CAMTA1: variants seen among roughly 807,000 people sequenced by gnomAD.
CAMTA1 encodes the protein calmodulin-binding transcription activator 1.
Under a neutral mutation model 170.9 loss-of-function variants are expected in CAMTA1, and 27 were observed. That is an observed-to-expected ratio of 0.16 (90% CI 0.12 to 0.22). The LOEUF (loss-of-function observed/expected upper bound fraction) is 0.22. Among genes scored for constraint, CAMTA1 ranks in the 10% least tolerant of loss-of-function variants. CAMTA1 has a pLI of 1.00. For missense variants in CAMTA1, 1,619 were observed against 2,217.2 expected (o/e 0.73, Z 5.42); for synonymous variants, 833 against 891.5 (o/e 0.93, Z 1.17).
intron 3 of CAMTA1, among the ~76,000 whole-genome samples, chr1:6,859,966 A>G (rs971217188): frequency 6.6e-6 from 1 of 152,160 alleles, no homozygotes; most frequent in African/African-American, 2.4e-5. Flanking sequence ...ATTTCTTTGT[A>G]TATTCCTGCA....
intron 7 of CAMTA1, 120 bp from the exon 8 acceptor site, chr1:7,661,606 C>T (rs1457296718): frequency 1.7e-5 from 20 of 1,170,548 alleles, no homozygotes; most frequent in African/African-American, 3.1e-5. Flanking sequence ...GCCCCAGGAG[C>T]CAGCTCCCCA....
chr1:6,844,851 A>G (rs944060069), intron 3 of CAMTA1, among the ~76,000 whole-genome samples: 20 of 152,208 alleles, frequency 1.3e-4, no homozygotes, highest in African/African-American at 4.1e-4. Flanking sequence ...TCTAAAGTTC[A>G]AAGAGTCAAT....
At chr1:7,239,075 A>G (rs1215988010) in intron 4 of CAMTA1, among the ~76,000 whole-genome samples, 1 of 152,094 alleles carries the variant, frequency 6.6e-6, no homozygotes, top group East Asian at 1.9e-4. Flanking sequence ...TTATTATACC[A>G]TGGTCAGTCT....
At chr1:7,185,637 A>G (rs570933348) in intron 4 of CAMTA1, among the ~76,000 whole-genome samples, 5 of 152,352 alleles carry the variant, frequency 3.3e-5, no homozygotes, top group African/African-American at 1.2e-4. Flanking sequence ...CACTACCTGA[A>G]TCAAGTGATC....
chr1:6,807,440 G>C (rs978296202), intron 1 of CAMTA1, among the ~76,000 whole-genome samples: 2 of 152,056 alleles, frequency 1.3e-5, no homozygotes, highest in African/African-American at 4.8e-5. Flanking sequence ...CTAGGCTTTT[G>C]GTTGATTGTT....
chr1:7,256,837 T>C (rs1278741205), intron 5 of CAMTA1, among the ~76,000 whole-genome samples: 2 of 152,070 alleles, frequency 1.3e-5, no homozygotes, highest in Admixed American at 6.6e-5. Context: ...AGGGCCTGTT[T>C]CCTGGGCATT....
intron 6 of CAMTA1, among the ~76,000 whole-genome samples, chr1:7,625,322 C>T (rs944029406): frequency 1.3e-5 from 2 of 152,246 alleles, no homozygotes; most frequent in Non-Finnish European, 2.9e-5. Context: ...GCCCGTCTCT[C>T]CCCTCCTTCA....
At chr1:7,618,344 C>A (rs1409880402) in intron 6 of CAMTA1, among the ~76,000 whole-genome samples, 5 of 152,208 alleles carry the variant, frequency 3.3e-5, no homozygotes, top group Admixed American at 6.5e-5. Flanking sequence ...AGCTCCCCAC[C>A]CAGGAGAACC....
intron 3 of CAMTA1, among the ~76,000 whole-genome samples, chr1:7,071,232 A>C (rs987723682): frequency 6.6e-6 from 1 of 152,206 alleles, no homozygotes; most frequent in Admixed American, 6.5e-5. Context: ...TGTCCCCTCT[A>C]TTTGTAATCT....
At chr1:7,598,084 C>A (rs193023964) in intron 6 of CAMTA1, among the ~76,000 whole-genome samples, 3 of 149,694 alleles carry the variant, frequency 2.0e-5, no homozygotes, top group South Asian at 2.2e-4. Flanking sequence ...ATCCCTCCCC[C>A]CTCCCCCAAC....
intron 5 of CAMTA1, among the ~76,000 whole-genome samples, chr1:7,261,071 A>T (rs1227993936): frequency 6.6e-6 from 1 of 152,208 alleles, no homozygotes; most frequent in Non-Finnish European, 1.5e-5. Flanking sequence ...GATTATTATT[A>T]AATCTGGAAT....
At chr1:7,396,840 GAGTACCAC>G (rs1037831268) in intron 5 of CAMTA1, among the ~76,000 whole-genome samples, 6 of 152,180 alleles carry the variant, frequency 3.9e-5, no homozygotes, top group African/African-American at 1.4e-4. Context: ...TCCCTGGGAT[GAGTACCAC>G]TTGATCATGG....
At chr1:7,370,477 G>A (rs75879498) in intron 5 of CAMTA1, among the ~76,000 whole-genome samples, 6,355 of 152,210 alleles carry the variant, frequency 0.042, 436 homozygotes, top group African/African-American at 0.14. Flanking sequence ...TGTAAGAAAC[G>A]TGCACATCCA....
intron 5 of CAMTA1, among the ~76,000 whole-genome samples, chr1:7,363,169 A>G (rs988843616): frequency 2.6e-5 from 4 of 152,224 alleles, no homozygotes; most frequent in Non-Finnish European, 4.4e-5. Context: ...CAACAGGAAC[A>G]TGGTGCCCAC....
At chr1:7,307,112 T>C (rs1675710509) in intron 5 of CAMTA1, among the ~76,000 whole-genome samples, 2 of 151,938 alleles carry the variant, frequency 1.3e-5, no homozygotes, top group African/African-American at 4.8e-5. Context: ...TTTAAGTCTT[T>C]AAAAAAATTC....
chr1:7,601,407 A>T (rs1355527326), intron 6 of CAMTA1, among the ~76,000 whole-genome samples: 1 of 150,816 alleles, frequency 6.6e-6, no homozygotes, highest in Non-Finnish European at 1.5e-5. Context: ...GACGCTCCTC[A>T]CTTCCTAGAT....
chr1:7,580,402 G>A lies in CAMTA1; in HGVS notation c.511-59998G>A, dbSNP rs564027600. Among the ~76,000 whole-genome samples, 3 of 152,240 alleles carry A rather than the reference G, an allele frequency of 2.0e-5. No homozygotes were observed. Among genetic ancestry groups the A allele is most frequent in the South Asian group, 4.1e-4 (2 of 4,820 alleles). On this transcript the variant is annotated intron_variant, in intron 6 of 22. Coordinates refer to ENST00000303635, the MANE Select transcript of CAMTA1 (RefSeq NM_015215.4). The surrounding 1 kb of genome is among the most constrained non-coding windows in gnomAD (Gnocchi z 4.3). The stretch of plus-strand genomic sequence containing the variant: ...AAGGGGCTCAGATGAAGCAGGTCTG[G>A]GGGAGAGGAAGGAAGACAGGTGAGG...
intron 3 of CAMTA1, among the ~76,000 whole-genome samples, chr1:6,865,773 C>T (rs1206408861): frequency 2.6e-5 from 4 of 152,052 alleles, no homozygotes; most frequent in Non-Finnish European, 4.4e-5. Context: ...AAAGTGAGAC[C>T]TTAGTTGAAA....
At chr1:6,952,153 G>A (rs1571986007) in intron 3 of CAMTA1, among the ~76,000 whole-genome samples, 1 of 152,272 alleles carries the variant, frequency 6.6e-6, no homozygotes, top group Non-Finnish European at 1.5e-5. Context: ...AACATAGGCC[G>A]GGCACGGTGG....
Sources: gnomAD v4.1 joint callset for allele counts (sites outside exome capture counted in the v4.1 genomes callset) on GRCh38, gnomAD v4.1.1 for gene constraint, Gnocchi (gnomAD v3.1) non-coding constraint, MANE v1.5 for transcripts, NCBI Gene and HGNC (gene_info 2026-07-23, HGNC 2026-07-21) for gene names.